Variants in KCNK9 observed in about 807,000 individuals in gnomAD.
The protein encoded by KCNK9 is potassium channel subfamily K member 9.
KCNK9 carries 1 observed loss-of-function variant against 10.8 expected under a neutral mutation model. The ratio of observed to expected loss-of-function variants is 0.09; its 90% CI spans 0.03 to 0.44. KCNK9 has a LOEUF of 0.44. Among genes scored for constraint, KCNK9 ranks in the 20% least tolerant of loss-of-function variants. KCNK9 has a pLI of 0.97. For missense variants in KCNK9, 303 were observed against 515.0 expected, an observed-to-expected ratio of 0.59 and a Z score of 3.98; for synonymous variants, 231 against 222.7, an observed-to-expected ratio of 1.04 and a Z score of -0.33.
chr8:139,603,198 A>G (rs928116019), intron 2 of KCNK9, among the ~76,000 whole-genome samples: 3 of 152,242 alleles, frequency 2.0e-5, no homozygotes, highest in African/African-American at 7.2e-5. Context: ...GATGACAGTG[A>G]TGAAGACTCC....
intron 1 of KCNK9, among the ~76,000 whole-genome samples, chr8:139,685,438 C>A (rs1208215942): frequency 1.3e-5 from 2 of 152,176 alleles, no homozygotes; most frequent in African/African-American, 4.8e-5. Flanking sequence ...CCACAGCCCC[C>A]AATGCCTCAA....
chr8:139,666,348 C>T (rs565160452), intron 1 of KCNK9, among the ~76,000 whole-genome samples: 4 of 152,312 alleles, frequency 2.6e-5, no homozygotes, highest in Admixed American at 6.5e-5. Context: ...CTAAGCACGG[C>T]GCTATGTCAG....
intron 1 of KCNK9, among the ~76,000 whole-genome samples, chr8:139,663,951 A>G (rs1363668592): frequency 1.3e-5 from 2 of 152,178 alleles, no homozygotes; most frequent in Non-Finnish European, 1.5e-5. Context: ...AAATTGCGAA[A>G]TAACACATCG....
intron 1 of KCNK9, among the ~76,000 whole-genome samples, chr8:139,645,042 G>A (rs776982178): frequency 2.6e-5 from 4 of 152,208 alleles, no homozygotes; most frequent in South Asian, 2.1e-4. Flanking sequence ...TCAGACCCAC[G>A]CACGGGGTGG....
chr8:139,654,771 C>T (rs1454167040), intron 1 of KCNK9, among the ~76,000 whole-genome samples: 5 of 152,222 alleles, frequency 3.3e-5, no homozygotes, highest in Non-Finnish European at 7.3e-5. Context: ...AGATCAGCGG[C>T]TTGTTCACCA....
intron 1 of KCNK9, among the ~76,000 whole-genome samples, chr8:139,659,831 G>A (rs113702076): frequency 1.3e-5 from 2 of 151,870 alleles, no homozygotes; most frequent in Non-Finnish European, 1.5e-5. Flanking sequence ...CTATTCTTAC[G>A]AGATAAAGCA....
At chr8:139,628,081 C>T (rs1041399499) in intron 1 of KCNK9, among the ~76,000 whole-genome samples, 2 of 152,238 alleles carry the variant, frequency 1.3e-5, no homozygotes, top group Admixed American at 6.5e-5. Context: ...CTGTCTCAAA[C>T]GGAGGCCACA....
intron 1 of KCNK9, among the ~76,000 whole-genome samples, chr8:139,648,431 T>C (rs1355953484): frequency 6.6e-6 from 1 of 152,248 alleles, no homozygotes; most frequent in African/African-American, 2.4e-5. Context: ...GTATTCTACC[T>C]CAATTAAAAT....
At chr8:139,697,026 G>A (rs56412067) in intron 1 of KCNK9, among the ~76,000 whole-genome samples, 90,568 of 150,934 alleles carry the variant, frequency 0.6, 27,347 homozygotes, top group African/African-American at 0.65. Flanking sequence ...GATGGTGGAT[G>A]GGTAGATGGG....
chr8:139,676,659 C>T (rs557867843), intron 1 of KCNK9, among the ~76,000 whole-genome samples: 4 of 152,258 alleles, frequency 2.6e-5, no homozygotes, highest in East Asian at 3.9e-4. Flanking sequence ...GCACAAAATA[C>T]GTGAATCATG....
intron 1 of KCNK9, among the ~76,000 whole-genome samples, chr8:139,687,942 A>G (rs2129785412): frequency 6.6e-6 from 1 of 152,198 alleles, no homozygotes; most frequent in South Asian, 2.1e-4. Flanking sequence ...TCATTTATAC[A>G]TGCATCATTA....
chr8:139,699,229 G>A (rs1035413386), intron 1 of KCNK9, among the ~76,000 whole-genome samples: 3 of 152,210 alleles, frequency 2.0e-5, no homozygotes, highest in Admixed American at 6.5e-5. Flanking sequence ...GTGTCATGGA[G>A]ACTCTAACTC....
intron 1 of KCNK9, among the ~76,000 whole-genome samples, chr8:139,631,409 C>A (rs1482617221): frequency 6.6e-6 from 1 of 152,150 alleles, no homozygotes; most frequent in Non-Finnish European, 1.5e-5. Flanking sequence ...TGAGAAAACG[C>A]CCCCTAGCCC....
chr8:139,605,165 A>T (rs1817458777), intron 2 of KCNK9, among the ~76,000 whole-genome samples: 1 of 152,240 alleles, frequency 6.6e-6, no homozygotes, highest in Admixed American at 6.5e-5. Context: ...GTGTCCATAC[A>T]CACACTGGTG....
chr8:139,609,312 C>T (rs1200924046), downstream of KCNK9, among the ~76,000 whole-genome samples: 1 of 139,436 alleles, frequency 7.2e-6, no homozygotes, highest in African/African-American at 2.7e-5. Flanking sequence ...TTCACTTGCA[C>T]GGTGCTACAC....
At chr8:139,692,124 G>T (rs1816946073) in intron 1 of KCNK9, among the ~76,000 whole-genome samples, 1 of 152,212 alleles carries the variant, frequency 6.6e-6, no homozygotes. Flanking sequence ...AAGCTAAGAT[G>T]ACTGAGCAGA....
At chr8:139,670,954 C>T (rs547049753) in intron 1 of KCNK9, among the ~76,000 whole-genome samples, 235 of 152,286 alleles carry the variant, frequency 1.5e-3, no homozygotes, top group Non-Finnish European at 2.6e-3. Flanking sequence ...TGGCCTGTGA[C>T]GCGCACCTGC....
intron 1 of KCNK9, among the ~76,000 whole-genome samples, chr8:139,697,269 G>A (rs1172094550): frequency 6.6e-6 from 1 of 151,160 alleles, no homozygotes; most frequent in African/African-American, 2.4e-5. Flanking sequence ...TGGATGGATG[G>A]ATAGGTAGAT....
chr8:139,602,475 G>A (rs1817395665), intron 2 of KCNK9, among the ~76,000 whole-genome samples: 1 of 152,190 alleles, frequency 6.6e-6, no homozygotes, highest in African/African-American at 2.4e-5. Flanking sequence ...TTTTTGGAGG[G>A]TGGTGGGAGA....
Sources: allele counts gnomAD v4.1 joint callset (sites outside exome capture counted in the v4.1 genomes callset), GRCh38; gene constraint gnomAD v4.1.1; transcripts MANE v1.5; gene names NCBI Gene and HGNC (gene_info 2026-07-23, HGNC 2026-07-21).